RNLS: variants seen among roughly 807,000 people sequenced by gnomAD.
RNLS encodes the protein renalase.
Under a neutral mutation model 39.8 loss-of-function variants are expected in RNLS, and 39 were observed. The ratio of observed to expected loss-of-function variants is 0.98; its 90% confidence interval spans 0.76 to 1.28. RNLS has a LOEUF of 1.28. Ranked by LOEUF, RNLS falls within the 50% of genes most tolerant of loss-of-function variation. The probability of loss-of-function intolerance (pLI) is 0.00; values close to 1 mark genes in which losing one functional copy is unlikely to be tolerated. For missense variants in RNLS, 410 were observed against 413.3 expected (o/e 0.99, Z 0.07); for synonymous variants, 147 against 150.7 (o/e 0.98, Z 0.18).
At chr10:88,525,708 G>T (rs1847066263) in intron 4 of RNLS, among the ~76,000 whole-genome samples, 1 of 152,098 alleles carries the variant, frequency 6.6e-6, no homozygotes, top group African/African-American at 2.4e-5. Context: ...CCACAAAGGA[G>T]AATAATTCAG....
the RNLS span, among the ~76,000 whole-genome samples, chr10:88,221,653 C>T: frequency 1.3e-5 from 2 of 152,194 alleles, no homozygotes; most frequent in South Asian, 2.1e-4. Flanking sequence ...CTGCCACTAA[C>T]CTGCAAAGCG....
Position 88,521,338 on chromosome 10 carries a change from T to C in RNLS, c.526+51565A>G, listed in dbSNP as rs144261369. Among the ~76,000 whole-genome samples the C allele has an allele frequency of 9.3e-4, 142 of 152,160 alleles. 3 individuals carry two copies. The East Asian group carries it at 0.021, about 22-fold the overall frequency. ...TGGCAAAAGCAAGGCCCTAGAATAATTGTGTTTAATATCCTGACTCTGTTT... is the reference window on the plus strand; with the variant it reads ...TGGCAAAAGCAAGGCCCTAGAATAACTGTGTTTAATATCCTGACTCTGTTT... On this transcript the variant is annotated intron_variant, in intron 4 of 6. Transcript: ENST00000331772.
At chr10:88,449,487 G>A (rs1842243541) in intron 4 of RNLS, among the ~76,000 whole-genome samples, 2 of 152,144 alleles carry the variant, frequency 1.3e-5, no homozygotes, top group Non-Finnish European at 2.9e-5. Context: ...TCTCCTCTGA[G>A]TTATCTTGGT....
At chr10:88,393,307 C>A (rs1852329844) in intron 4 of RNLS, among the ~76,000 whole-genome samples, 1 of 151,904 alleles carries the variant, frequency 6.6e-6, no homozygotes, top group African/African-American at 2.4e-5. Flanking sequence ...CGTCTCAGCC[C>A]AAAATCTCCT....
At chr10:88,256,763 C>T in the RNLS span, among the ~76,000 whole-genome samples, 2 of 152,034 alleles carry the variant, frequency 1.3e-5, no homozygotes, top group South Asian at 2.1e-4. Flanking sequence ...ATCTTAGTCC[C>T]GAAAATGAAT....
intron 4 of RNLS, among the ~76,000 whole-genome samples, chr10:88,438,845 T>G (rs966309031): frequency 6.6e-6 from 1 of 152,222 alleles, no homozygotes; most frequent in Non-Finnish European, 1.5e-5. Context: ...CTTTTAATTC[T>G]TCAGGCTGCA....
chr10:88,264,201 T>A, the RNLS span, among the ~76,000 whole-genome samples: 1 of 152,192 alleles, frequency 6.6e-6, no homozygotes, highest in Non-Finnish European at 1.5e-5. Context: ...TATACCACAA[T>A]GTATTTTATC....
At chr10:88,397,977 TG>T (rs1341548777) in intron 4 of RNLS, among the ~76,000 whole-genome samples, 1 of 151,938 alleles carries the variant, frequency 6.6e-6, no homozygotes, top group Non-Finnish European at 1.5e-5. Context: ...GACCACTCAG[TG>T]GGGGAAATAA....
chr10:88,508,107 G>T (rs1376818882), intron 4 of RNLS, among the ~76,000 whole-genome samples: 1 of 152,136 alleles, frequency 6.6e-6, no homozygotes, highest in Non-Finnish European at 1.5e-5. Flanking sequence ...CTCTTATCCT[G>T]TCTTCAGTTG....
At chr10:88,179,890 A>G in the RNLS span, among the ~76,000 whole-genome samples, 1 of 152,268 alleles carries the variant, frequency 6.6e-6, no homozygotes, top group Non-Finnish European at 1.5e-5. Context: ...TGAATCTTCC[A>G]TAAACAGAAA....
Position 88,480,819 on chromosome 10 carries a change from G to GTGTGTA in RNLS, c.526+92083_526+92084insTACACA, listed in dbSNP as rs554784760. The stretch of plus-strand genomic sequence containing the variant: ...TGTGTGTGTGTGTGTGTGTGTGTGT[G>GTGTGTA]TATGTGTTCTATTACAAATGGAATT... On this transcript the variant is annotated intron_variant, in intron 4 of 6. Coordinates refer to ENST00000331772, the MANE Select transcript of RNLS (RefSeq NM_001031709.3). Among the ~76,000 whole-genome samples the GTGTGTA allele has an allele frequency of 3.6e-3, 551 of 151,440 alleles. 2 individuals carry two copies. The highest frequency in any genetic ancestry group is 0.017 in the Middle Eastern group (5 of 294).
chr10:88,384,570 T>C (rs1564753791), intron 4 of RNLS, among the ~76,000 whole-genome samples: 1 of 152,206 alleles, frequency 6.6e-6, no homozygotes, highest in Non-Finnish European at 1.5e-5. Flanking sequence ...TTGAAAATTA[T>C]AGTACTGACT....
At chr10:88,342,930 G>A (rs762834762) in intron 5 of RNLS, among the ~76,000 whole-genome samples, 20 of 152,120 alleles carry the variant, frequency 1.3e-4, no homozygotes, top group Non-Finnish European at 2.5e-4. Context: ...ACACAGCCAC[G>A]CCCATTCTTT....
At chr10:88,269,146 C>T (rs1842579692), downstream of RNLS, among the ~76,000 whole-genome samples, 1 of 152,148 alleles carries the variant, frequency 6.6e-6, no homozygotes, top group African/African-American at 2.4e-5. Flanking sequence ...CAATATAATG[C>T]AAAATGCAGG....
chr10:88,324,114 C>T (rs540038764), intron 5 of RNLS, among the ~76,000 whole-genome samples: 1 of 152,160 alleles, frequency 6.6e-6, no homozygotes, highest in South Asian at 2.1e-4. Flanking sequence ...AGAAAAGGAA[C>T]GCTTATACAC....
chr10:88,450,529 C>T (rs972014088), intron 4 of RNLS, among the ~76,000 whole-genome samples: 1 of 152,074 alleles, frequency 6.6e-6, no homozygotes, highest in Non-Finnish European at 1.5e-5. Flanking sequence ...GCCATAAAAC[C>T]GGAAGTCAAA....
the RNLS span, among the ~76,000 whole-genome samples, chr10:88,205,010 G>A: frequency 6.6e-6 from 1 of 152,160 alleles, no homozygotes; most frequent in African/African-American, 2.4e-5. Flanking sequence ...AGATGCATAA[G>A]AAGCCATGGC....
At chr10:88,187,431 A>C in the RNLS span, among the ~76,000 whole-genome samples, 1 of 152,030 alleles carries the variant, frequency 6.6e-6, no homozygotes, top group Non-Finnish European at 1.5e-5. Context: ...ATGGTGGGAC[A>C]GACATTTGCC....
At chr10:88,540,325 A>G (rs187153168) in intron 4 of RNLS, among the ~76,000 whole-genome samples, 2 of 152,282 alleles carry the variant, frequency 1.3e-5, no homozygotes, top group East Asian at 1.9e-4. Flanking sequence ...TGTGACTATA[A>G]AAGTATTATA....
Sources: allele counts gnomAD v4.1 joint callset (sites outside exome capture counted in the v4.1 genomes callset), GRCh38; gene constraint gnomAD v4.1.1; transcripts MANE v1.5; gene names NCBI Gene and HGNC (gene_info 2026-07-23, HGNC 2026-07-21).